Variants in RP1L1 observed in about 807,000 individuals in gnomAD.
RP1L1 encodes retinitis pigmentosa 1-like 1 protein.
In RP1L1, 27 loss-of-function variants were observed where a neutral mutation model predicts 15.7. The observed-to-expected ratio is 1.72, with a 90% CI of 1.27 to 2.38. The LOEUF (loss-of-function observed/expected upper bound fraction) is 2.38. Ranked by LOEUF, RP1L1 falls within the 30% of genes most tolerant of loss-of-function variation. The pLI, the probability that RP1L1 is intolerant of heterozygous loss-of-function variation, is 0.00. For synonymous variants in RP1L1, 1,813 were observed against 1,276.7 expected, an observed-to-expected ratio of 1.42 and a Z score of -8.96; for missense variants, 4,798 against 3,075.9, an observed-to-expected ratio of 1.56 and a Z score of -13.24.
At chr8:10,625,079 G>A (rs11993697) in intron 1 of RP1L1, among the ~76,000 whole-genome samples, 1 of 152,208 alleles carries the variant, frequency 6.6e-6, no homozygotes, top group Non-Finnish European at 1.5e-5. Context: ...GCCGGACTGA[G>A]GGTGAACAAT....
chr8:10,638,587 AT>A (rs1798363720), intron 1 of RP1L1, among the ~76,000 whole-genome samples: 1 of 152,138 alleles, frequency 6.6e-6, no homozygotes, highest in Non-Finnish European at 1.5e-5. Flanking sequence ...CTAAAAAAAA[AT>A]AAAATATATA....
In RP1L1 at chr8:10,611,800, C is replaced by T. The variant is rs768000290; in HGVS notation, c.2298G>A (p.Ala766=). The change falls in exon 4 of 4, where the codon GCG becomes GCA. Residue 766 remains alanine (A), a synonymous_variant. Coordinates refer to ENST00000382483, the MANE Select transcript of RP1L1 (RefSeq NM_178857.6). ...NAPSAGWAGD[A]GSRTCSPAPI... is the part of the protein sequence containing the mutation. Reference sequence around the variant, plus strand: ...GGGCCGGCGAGCATGTCCTGGACCCCGCGTCCCCTGCCCACCCGGCAGAGG... The same window carrying T: ...GGGCCGGCGAGCATGTCCTGGACCCTGCGTCCCCTGCCCACCCGGCAGAGG... The T allele has an allele frequency of 5.5e-5, 89 of 1,613,638 alleles. No homozygotes were observed. The highest frequency in any genetic ancestry group is 5.0e-4 in the Middle Eastern group (3 of 6,060).
intron 1 of RP1L1, among the ~76,000 whole-genome samples, chr8:10,633,736 A>C (rs1798287789): frequency 6.6e-6 from 1 of 152,160 alleles, no homozygotes; most frequent in Non-Finnish European, 1.5e-5. Context: ...TCCAGACCTA[A>C]GTACAGACTA....
At chr8:10,629,434 G>T (rs527973732) in intron 1 of RP1L1, among the ~76,000 whole-genome samples, 1 of 152,206 alleles carries the variant, frequency 6.6e-6, no homozygotes, top group Non-Finnish European at 1.5e-5. Flanking sequence ...CTGGAGAGGA[G>T]GAATGGACTC....
Position 10,608,065 on chromosome 8 carries a change from C to A in RP1L1, c.6033G>T (p.Glu2011Asp), listed in dbSNP as rs747681431. The change falls in exon 4 of 4, where the codon GAG (glutamate) becomes GAT (aspartate). Residue 2011 changes from glutamate to aspartate, a missense_variant. Transcript: ENST00000382483. ...EAPEAEGEMQ[E>D]AEEEAQPESD... is the part of the protein sequence containing the mutation. ...ACTCTGGCTGGGCCTCCTCTTCTGCCTCTTGCATCTCCCCTTCAGCCTCTG... is the reference window on the plus strand; with the variant it reads ...ACTCTGGCTGGGCCTCCTCTTCTGCATCTTGCATCTCCCCTTCAGCCTCTG... 1.3e-5 allele frequency: 21 copies of A among 1,608,800 alleles called. No individual in the cohort carries two copies. In the Admixed American group the frequency reaches 3.4e-4, roughly 26 times the overall value.
At chr8:10,636,170 T>A (rs572994924) in intron 1 of RP1L1, among the ~76,000 whole-genome samples, 2 of 152,372 alleles carry the variant, frequency 1.3e-5, no homozygotes, top group South Asian at 4.1e-4. Flanking sequence ...ACAATGCTTA[T>A]GGGCCTTGCC....
At position 10,608,304 on chromosome 8, in the gene RP1L1, C is replaced by T. The variant is rs199991672; in HGVS notation, c.5794G>A (p.Glu1932Lys). 112 of 1,605,080 alleles carry T rather than the reference C, an allele frequency of 7.0e-5. No individual in the cohort carries two copies. The highest frequency in any genetic ancestry group is 3.8e-4 in the African/African-American group (27 of 71,920). ...GCCTCTGCACCTTCTGACTCTGGCT[C>T]GTCCTCCCCTTCAGTCTCCAGGGCC... is the stretch of plus-strand genomic sequence containing the variant. The part of the protein sequence containing the change: ...VEALETEGED[E>K]PESEGAEAQE... The change falls in exon 4 of 4, where the codon GAG becomes AAG. Residue 1932 changes from glutamate (E) to lysine (K), a missense_variant. Glu to Lys is a moderately conservative substitution (Grantham distance 56). Coordinates refer to ENST00000382483, the MANE Select transcript of RP1L1 (RefSeq NM_178857.6).
intron 1 of RP1L1, among the ~76,000 whole-genome samples, chr8:10,626,652 C>G (rs1484071992): frequency 6.6e-6 from 1 of 152,168 alleles, no homozygotes; most frequent in Non-Finnish European, 1.5e-5. Context: ...GAAACAGTGA[C>G]AAATGAAGAC....
intron 2 of RP1L1, among the ~76,000 whole-genome samples, chr8:10,617,851 C>T (rs962828034): frequency 2.6e-5 from 4 of 152,054 alleles, no homozygotes; most frequent in African/African-American, 2.4e-5. Context: ...CCACTGCACC[C>T]GGCCTAGAAG....
At chr8:10,628,817 C>G (rs896112129) in intron 1 of RP1L1, among the ~76,000 whole-genome samples, 1 of 152,092 alleles carries the variant, frequency 6.6e-6, no homozygotes, top group Admixed American at 6.5e-5. Flanking sequence ...TGTCAAAAAA[C>G]AAAACAAAAA....
chr8:10,652,939 G>C (rs1014125682), intron 1 of RP1L1, among the ~76,000 whole-genome samples: 2 of 152,296 alleles, frequency 1.3e-5, no homozygotes, highest in Non-Finnish European at 2.9e-5. Context: ...CTCGGTCTTT[G>C]GGGATCGATG....
intron 3 of RP1L1, among the ~76,000 whole-genome samples, chr8:10,614,314 C>T (rs1797929236): frequency 6.6e-6 from 1 of 152,158 alleles, no homozygotes; most frequent in Non-Finnish European, 1.5e-5. Flanking sequence ...AGCCTGCACC[C>T]CAGCCATGAA....
chr8:10,622,717 G>C lies in RP1L1; in HGVS notation c.485C>G (p.Pro162Arg), dbSNP rs770990053. ...RRILLIKNMD[P>R]RLQQTVVLSH... ...GAGAACCACTGTCTGCTGGAGGCGA[G>C]GGTCCATGTTCTTAATCAGCAGTAT... The change falls in exon 2 of 4, where the codon CCT (proline) becomes CGT (arginine). Residue 162 changes from proline to arginine, a missense_variant. Pro to Arg is a moderately radical substitution (Grantham distance 103). Coordinates refer to ENST00000382483, the MANE Select transcript of RP1L1 (RefSeq NM_178857.6). The C allele has an allele frequency of 9.3e-6, 15 of 1,614,168 alleles. No homozygotes were observed. Among genetic ancestry groups the C allele is most frequent in the Non-Finnish European group, 1.0e-5 (12 of 1,180,040 alleles).
chr8:10,629,393 C>T (rs549513934), intron 1 of RP1L1, among the ~76,000 whole-genome samples: 17 of 152,108 alleles, frequency 1.1e-4, no homozygotes, highest in South Asian at 4.2e-4. Context: ...AACATCAAGA[C>T]GAAAAGTAAA....
intron 3 of RP1L1, 102 bp downstream of exon 3, chr8:10,616,344 C>T (rs377542614): frequency 2.2e-5 from 33 of 1,480,488 alleles, no homozygotes; most frequent in African/African-American, 8.3e-5. Flanking sequence ...AGATCTGGGG[C>T]CAAAGGGAAG....
In RP1L1 at chr8:10,609,972, C is replaced by G; in HGVS notation, c.4126G>C (p.Glu1376Gln). 6.2e-7 allele frequency: 1 copy of G among 1,613,896 alleles called. No homozygotes were observed. Among genetic ancestry groups the G allele is most frequent in the South Asian group, 1.1e-5 (1 of 91,080 alleles). Residue 1376 changes from glutamate to glutamine, a missense_variant, in exon 4 of 4, where the codon GAA (glutamate) becomes CAA (glutamine). By Grantham distance (29) the Glu-to-Gln change is conservative (BLOSUM62 2). Transcript: ENST00000382483. Reference protein sequence around the residue: ...GLQEEGVQLEEVKEGPEGGLQ... With the variant: ...GLQEEGVQLEQVKEGPEGGLQ... Reference sequence around the variant, plus strand: ...CCTCCTTCTGGCCCTTCTTTAACTTCCTCTAACTGCACCCCCTCTTCTTGC... The same window carrying G: ...CCTCCTTCTGGCCCTTCTTTAACTTGCTCTAACTGCACCCCCTCTTCTTGC...
chr8:10,624,046 T>C (rs932592099), intron 1 of RP1L1, among the ~76,000 whole-genome samples: 1 of 152,178 alleles, frequency 6.6e-6, no homozygotes, highest in African/African-American at 2.4e-5. Flanking sequence ...TCTTCAGCAC[T>C]GTCTTGTCCC....
At chr8:10,652,846 C>G (rs1176889000) in intron 1 of RP1L1, among the ~76,000 whole-genome samples, 1 of 152,174 alleles carries the variant, frequency 6.6e-6, no homozygotes, top group Non-Finnish European at 1.5e-5. Context: ...GTAACTATCA[C>G]AGTGCCTAGT....
intron 3 of RP1L1, 96 bp downstream of exon 3, chr8:10,616,350 G>A (rs1173911660): frequency 2.6e-6 from 4 of 1,520,410 alleles, no homozygotes; most frequent in Non-Finnish European, 3.6e-6. Context: ...GGGGCCAAAG[G>A]GAAGTTTCCT....
Sources: allele counts gnomAD v4.1 joint callset (sites outside exome capture counted in the v4.1 genomes callset), GRCh38; gene constraint gnomAD v4.1.1; transcripts MANE v1.5; gene names NCBI Gene and HGNC (gene_info 2026-07-23, HGNC 2026-07-21).